PHF14: variants seen among roughly 807,000 people sequenced by gnomAD.
PHF14 encodes the protein PHD finger protein 14.
Under a neutral mutation model 117.9 loss-of-function variants are expected in PHF14, and 55 were observed. The observed-to-expected ratio is 0.47, with a 90% CI of 0.38 to 0.58. PHF14 has a LOEUF of 0.58. Ranked by LOEUF, PHF14 falls within the 20% of genes least tolerant of loss-of-function variation. The pLI is 0.00. For missense variants in PHF14, 978 were observed against 1,122.2 expected (o/e 0.87, Z 1.84); for synonymous variants, 409 against 368.6 (o/e 1.11, Z -1.26).
At chr7:11,073,335 A>C (rs1785697053) in intron 16 of PHF14, among the ~76,000 whole-genome samples, 1 of 152,208 alleles carries the variant, frequency 6.6e-6, no homozygotes, top group Non-Finnish European at 1.5e-5. Context: ...ATGAGAAATT[A>C]ACCAAAAGAA....
At chr7:11,091,647 A>G (rs2128338971) in intron 16 of PHF14, among the ~76,000 whole-genome samples, 1 of 152,044 alleles carries the variant, frequency 6.6e-6, no homozygotes, top group East Asian at 1.9e-4. Flanking sequence ...AGTTCCAGCT[A>G]CTCCGGAGGC....
chr7:11,010,276 A>G (rs1427378830), intron 4 of PHF14, among the ~76,000 whole-genome samples: 1 of 152,176 alleles, frequency 6.6e-6, no homozygotes, highest in Non-Finnish European at 1.5e-5. Context: ...ACTGACCCCA[A>G]GAATAAAATT....
At chr7:11,121,033 G>A (rs892879821) in intron 17 of PHF14, among the ~76,000 whole-genome samples, 10 of 152,122 alleles carry the variant, frequency 6.6e-5, no homozygotes, top group Non-Finnish European at 2.9e-5. Context: ...CCAGTAAAAT[G>A]TAAACGTAAC....
intron 17 of PHF14, among the ~76,000 whole-genome samples, chr7:11,151,548 C>T (rs1788701870): frequency 6.6e-6 from 1 of 152,072 alleles, no homozygotes; most frequent in African/African-American, 2.4e-5. Context: ...GACAGCAAGA[C>T]CCTATCTCAA....
At position 11,051,788 on chromosome 7, in the gene PHF14, AT is replaced by A; in HGVS notation, c.2481+14del. The A allele has an allele frequency of 1.2e-6, 2 of 1,611,306 alleles. No individual in the cohort carries two copies. Among genetic ancestry groups the A allele is most frequent in the Non-Finnish European group, 8.5e-7 (1 of 1,178,188 alleles). ...ATTCCGATAAGAAACACGGTAGTTT[AT>A]TTTTTATTTATCATAAGCATCATAC... On this transcript the variant is annotated intron_variant, in intron 14 of 17. Transcript: ENST00000634607.
chr7:11,025,472 CTA>C (rs1172907449), intron 6 of PHF14, among the ~76,000 whole-genome samples: 1 of 152,070 alleles, frequency 6.6e-6, no homozygotes, highest in African/African-American at 2.4e-5. Context: ...AAGGATGAAT[CTA>C]TGCAGCAAAC....
At chr7:11,153,952 T>C (rs1366855957) in intron 17 of PHF14, among the ~76,000 whole-genome samples, 5 of 151,384 alleles carry the variant, frequency 3.3e-5, no homozygotes, top group African/African-American at 9.7e-5. Context: ...TGTGTGCGTG[T>C]GTGTGTGTGT....
At chr7:11,073,911 C>G (rs1785720168) in intron 16 of PHF14, among the ~76,000 whole-genome samples, 1 of 152,166 alleles carries the variant, frequency 6.6e-6, no homozygotes, top group South Asian at 2.1e-4. Flanking sequence ...TGAGCTGTAC[C>G]TGGGGCTCTG....
At position 11,013,754 on chromosome 7, in the gene PHF14, T is replaced by C. The variant is rs1286349021; in HGVS notation, c.1053T>C (p.Tyr351=). The part of the protein sequence containing the change: ...NCGITVHEGC[Y]GVDGESDSIM... ...TGTTTTTGTTTTTTTTAGGTTGTTA[T>C]GGAGTTGATGGAGAGAGTGACTCTA... Residue 351 remains tyrosine, a synonymous_variant, in exon 5 of 18, where the codon TAT becomes TAC. Transcript: ENST00000634607. The C allele has an allele frequency of 5.2e-6, 8 of 1,551,130 alleles. No homozygotes were observed. In the East Asian group the frequency reaches 6.8e-5, roughly 13 times the overall value.
At chr7:11,121,458 C>G (rs1787750944) in intron 17 of PHF14, among the ~76,000 whole-genome samples, 1 of 152,130 alleles carries the variant, frequency 6.6e-6, no homozygotes, top group Admixed American at 6.6e-5. Context: ...TAGCCTCCCC[C>G]CACTGCCTAC....
At chr7:11,119,905 T>C (rs1023627190) in intron 17 of PHF14, among the ~76,000 whole-genome samples, 2 of 152,050 alleles carry the variant, frequency 1.3e-5, no homozygotes, top group African/African-American at 4.8e-5. Context: ...GAATCTTTCC[T>C]AGGTGTGATA....
intron 4 of PHF14, among the ~76,000 whole-genome samples, chr7:10,995,923 G>A (rs1422254791): frequency 6.6e-6 from 1 of 152,140 alleles, no homozygotes; most frequent in South Asian, 2.1e-4. Context: ...ACACCTCCCC[G>A]CAAGCTGAGG....
chr7:11,077,346 G>T (rs1785902718), intron 16 of PHF14, among the ~76,000 whole-genome samples: 1 of 151,358 alleles, frequency 6.6e-6, no homozygotes, highest in Non-Finnish European at 1.5e-5. Context: ...GCTCATGCCT[G>T]AATCTCAGCA....
chr7:11,103,017 G>A, intron 16 of PHF14: 2 of 990,892 alleles, frequency 2.0e-6, no homozygotes, highest in Non-Finnish European at 1.2e-6. Context: ...CCATTAGTCT[G>A]CTATTCTGTT....
Position 11,122,353 on chromosome 7 carries a change from A to ATATATATATATATATATG in PHF14, c.2772+10886_2772+10887insTATATATATATATATATG, listed in dbSNP as rs71023889. On this transcript the variant is annotated intron_variant, in intron 17 of 17. Transcript: ENST00000634607. ...TTTTTATATATATATATATATATAT[A>ATATATATATATATATATG]CACACACACACACACACACACACAC... Among the ~76,000 whole-genome samples, 6 of 50,900 alleles carry ATATATATATATATATATG rather than the reference A, an allele frequency of 1.2e-4. 1 individual carries two copies. The highest frequency in any genetic ancestry group is 8.2e-4 in the African/African-American group (6 of 7,306). The allele number at this position is 50,900 out of a possible 152,430, so 33.4% of individuals were successfully genotyped here.
rs757288114 is a variant in PHF14 at position 11,051,705 on chromosome 7, G to A, written c.2406G>A (p.Arg802=). ...TLPDGTKRSR[R]QIKEPVKFVP... The stretch of plus-strand genomic sequence containing the variant: ...CAGATGGAACCAAACGATCAAGGAG[G>A]CAGATTAAGGAACCAGTGAAATTTG... The change falls in exon 14 of 18, where the codon AGG becomes AGA. Residue 802 remains arginine, a synonymous_variant. Transcript: ENST00000634607. 1.9e-6 allele frequency: 3 copies of A among 1,613,606 alleles called. No homozygotes were observed. Among genetic ancestry groups the A allele is most frequent in the African/African-American group, 2.7e-5 (2 of 74,896 alleles).
intron 16 of PHF14, among the ~76,000 whole-genome samples, chr7:11,087,168 T>C (rs1240741868): frequency 6.6e-6 from 1 of 151,382 alleles, no homozygotes; most frequent in Non-Finnish European, 1.5e-5. Context: ...GGAGTGATTT[T>C]ATGGTAATAG....
chr7:11,133,978 G>GT (rs545728421), intron 17 of PHF14, among the ~76,000 whole-genome samples: 341 of 152,126 alleles, frequency 2.2e-3, no homozygotes, highest in Non-Finnish European at 3.8e-3. Context: ...AATCACTTAA[G>GT]TAGAAAGCTA....
chr7:11,013,362 G>T (rs1490454849), intron 4 of PHF14, among the ~76,000 whole-genome samples: 2 of 151,910 alleles, frequency 1.3e-5, no homozygotes, highest in Admixed American at 1.3e-4. Flanking sequence ...AGGTTTCACC[G>T]TGTTGGCCAG....
Sources: gnomAD v4.1 joint callset for allele counts (sites outside exome capture counted in the v4.1 genomes callset) on GRCh38, gnomAD v4.1.1 for gene constraint, MANE v1.5 for transcripts, NCBI Gene and HGNC (gene_info 2026-07-23, HGNC 2026-07-21) for gene names.